Variants in VEGFA observed in about 807,000 individuals in gnomAD.
VEGFA encodes vascular endothelial growth factor A, long form.
VEGFA carries 20 observed loss-of-function variants against 49.7 expected under a neutral mutation model. That is an observed-to-expected ratio of 0.40 (90% CI 0.28 to 0.58). The LOEUF (loss-of-function observed/expected upper bound fraction) is 0.58, where lower values mean the gene tolerates loss of function less well. Ranked by LOEUF, VEGFA falls within the 20% of genes least tolerant of loss-of-function variation. The pLI is 0.40. For synonymous variants in VEGFA, 219 were observed against 223.4 expected (o/e 0.98, Z 0.18); for missense variants, 505 against 553.5 (o/e 0.91, Z 0.88).
At position 43,770,519 on chromosome 6, in the gene VEGFA, A is replaced by C. The variant is rs558662918; in HGVS notation, c.-188A>C. The C allele has an allele frequency of 1.1e-3, 1,373 of 1,260,582 alleles. 7 individuals are homozygous for C. The highest frequency in any genetic ancestry group is 9.6e-3 in the Middle Eastern group (33 of 3,436). The allele number at this position is 1,260,582 out of a possible 1,614,324, so 78.1% of individuals were successfully genotyped here. On this transcript the variant is annotated 5_prime_UTR_variant, in exon 1 of 8. Transcript: ENST00000672860. ...ATCACTGTGGATTTTGGAAACCAGC[A>C]GAAAGAGGAAAGAGGTAGCAAGAGC...
intron 3 of VEGFA, 55 bp from the exon 4 acceptor site, chr6:43,778,405 C>T (rs556277924): frequency 1.6e-4 from 240 of 1,526,366 alleles, no homozygotes; most frequent in Admixed American, 1.0e-3. Flanking sequence ...GTTGTCCCAT[C>T]TGGGTATGGC....
intron 6 of VEGFA, chr6:43,781,154 G>A (rs1192082126): frequency 1.9e-6 from 1 of 513,192 alleles, no homozygotes; most frequent in Non-Finnish European, 3.5e-6. Flanking sequence ...GGTTTCCATT[G>A]CTCTAGGCTT....
intron 6 of VEGFA, chr6:43,781,489 A>G: frequency 3.6e-6 from 1 of 280,110 alleles, no homozygotes; most frequent in South Asian, 3.7e-5. Flanking sequence ...TGGCCTGGGG[A>G]CACCGCCTCC....
chr6:43,777,742 G>A lies in VEGFA; in HGVS notation c.855+77G>A, dbSNP rs753080992. On this transcript the variant is annotated intron_variant, in intron 3 of 7. Coordinates refer to ENST00000672860, the MANE Select transcript of VEGFA (RefSeq NM_003376.6). This position sits in a 1 kb window ranked among gnomAD's most constrained non-coding sequence, Gnocchi z 4.3. ...CTTTGGGAACAGGTGGTCCCAGGTCGTTTCCTGGCTAGATTTGCCTTGTCT... is the reference window on the plus strand; with the variant it reads ...CTTTGGGAACAGGTGGTCCCAGGTCATTTCCTGGCTAGATTTGCCTTGTCT... 16 of 1,451,578 alleles carry A rather than the reference G, an allele frequency of 1.1e-5. 1 individual carries two copies. The highest frequency in any genetic ancestry group is 1.8e-4 in the Middle Eastern group (1 of 5,532). 89.9% of individuals were successfully genotyped at this position (1,451,578 alleles called of 1,614,324 possible).
intron 2 of VEGFA, chr6:43,774,595 G>A (rs1275716009): frequency 3.2e-6 from 2 of 631,246 alleles, no homozygotes; most frequent in African/African-American, 1.8e-5. Flanking sequence ...GCTAGAAGTA[G>A]GACTTGTTGC....
intron 1 of VEGFA, chr6:43,774,028 A>C (rs1764478085): frequency 2.1e-6 from 1 of 478,736 alleles, no homozygotes; most frequent in Non-Finnish European, 3.8e-6. Flanking sequence ...AGGGAGAGGG[A>C]AGTGTGGGGA....
At chr6:43,771,442 C>T in intron 1 of VEGFA, 130 bp downstream of exon 1, 1 of 958,148 alleles carries the variant, frequency 1.0e-6, no homozygotes, top group Non-Finnish European at 1.5e-6. Flanking sequence ...CGTGCGGCGT[C>T]CCCCTCTGTC....
At chr6:43,782,893 C>G (rs1267252111) in intron 7 of VEGFA, 1 of 152,560 alleles carries the variant, frequency 6.6e-6, no homozygotes, top group Non-Finnish European at 1.5e-5. Context: ...TGGTGACAAC[C>G]CCAAGCAGCC....
chr6:43,781,603 A>G (rs544710670), intron 6 of VEGFA: 15 of 351,798 alleles, frequency 4.3e-5, no homozygotes, highest in Non-Finnish European at 8.3e-5. Flanking sequence ...CATCCCCAGC[A>G]GGTGAAGAGT....
intron 6 of VEGFA, 125 bp downstream of exon 6, chr6:43,780,928 G>A (rs1452410120): frequency 1.9e-6 from 3 of 1,608,560 alleles, no homozygotes; most frequent in Non-Finnish European, 2.5e-6. Context: ...CATCCTCCTG[G>A]CCCGTGTCTC....
chr6:43,774,183 G>A lies in VEGFA; in HGVS notation c.607-158G>A, dbSNP rs1380571227. ...GGAGTGGTGGGCATATTCTGTGCCC[G>A]TGGGGACCCCCGGTTGTGTCCTGTT... On this transcript the variant is annotated intron_variant, in intron 1 of 7. Transcript: ENST00000672860. 12 of 748,048 alleles carry A rather than the reference G, an allele frequency of 1.6e-5. No homozygotes were observed. The East Asian group carries it at 2.7e-4, about 17-fold the overall frequency. The allele number at this position is 748,048 out of a possible 1,614,324, so 46.3% of individuals were successfully genotyped here.
chr6:43,778,174 A>T, intron 3 of VEGFA: 1 of 538,722 alleles, frequency 1.9e-6, no homozygotes, highest in South Asian at 2.0e-5. Flanking sequence ...AGGGGAGGGG[A>T]TGGGGAGTGG....
At chr6:43,779,891 GC>G (rs1766832321) in intron 5 of VEGFA, 1 of 334,302 alleles carries the variant, frequency 3.0e-6, no homozygotes, top group Non-Finnish European at 6.1e-6. Context: ...GCTACAGCCT[GC>G]CCCCCTTCCT....
intron 2 of VEGFA, chr6:43,774,665 C>A: frequency 1.8e-6 from 1 of 552,314 alleles, no homozygotes. Context: ...GCGCACAGAG[C>A]AGGAAGACAG....
chr6:43,781,097 G>C, intron 6 of VEGFA: 1 of 630,396 alleles, frequency 1.6e-6, no homozygotes. Flanking sequence ...CACCCACTGG[G>C]CACTGGTGGC....
At chr6:43,781,888 T>G in intron 6 of VEGFA, 68 bp from the exon 7 acceptor site, 1 of 1,594,936 alleles carries the variant, frequency 6.3e-7, no homozygotes, top group Non-Finnish European at 8.6e-7. Context: ...GGGTGTTGCA[T>G]GGTGATTTTT....
In VEGFA at chr6:43,774,269, G is replaced by A. The variant is rs1032792437; in HGVS notation, c.607-72G>A. On this transcript the variant is annotated intron_variant, in intron 1 of 7. Coordinates refer to ENST00000672860, the MANE Select transcript of VEGFA (RefSeq NM_003376.6). ...GTGGGAGGGAAGTGAGGAGGGAGGA[G>A]GGGCTGGGTGGCTGGGCCTGTGCAC... The A allele has an allele frequency of 7.2e-6, 11 of 1,519,908 alleles. No homozygotes were observed. The African/African-American group carries it at 8.2e-5, about 11-fold the overall frequency. The allele number at this position is 1,519,908 out of a possible 1,614,324, so 94.2% of individuals were successfully genotyped here.
rs1395626761 is a variant in VEGFA, at chr6:43,786,260, T to G, written c.*1698T>G. 1 of 179,270 alleles carries G rather than the reference T, an allele frequency of 5.6e-6. No individual in the cohort carries two copies. The highest frequency in any genetic ancestry group is 6.3e-5 in the Admixed American group (1 of 15,882). The allele number at this position is 179,270 out of a possible 1,614,324, so 11.1% of individuals were successfully genotyped here. A position where few individuals can be genotyped will look rare whatever the true frequency, so the allele number is the denominator to read the frequency against. On this transcript the variant is annotated 3_prime_UTR_variant, in exon 8 of 8. Coordinates refer to ENST00000672860, the MANE Select transcript of VEGFA (RefSeq NM_003376.6). ...AAAATAGAGAATTCTACATACTAAA[T>G]CTCTCTCCTTTTTTAATTTTAATAT...
chr6:43,784,725 A>G lies in VEGFA; in HGVS notation c.*163A>G. 1 of 1,374,994 alleles carries G rather than the reference A, an allele frequency of 7.3e-7. No homozygotes were observed. Among genetic ancestry groups the G allele is most frequent in the Non-Finnish European group, 1.0e-6 (1 of 972,774 alleles). The allele number at this position is 1,374,994 out of a possible 1,614,324, so 85.2% of individuals were successfully genotyped here. A position where few individuals can be genotyped will look rare whatever the true frequency, so the allele number is the denominator to read the frequency against. ...CAGAAACCTGAAATGAAGGAAGAGG[A>G]GACTCTGCGCAGAGCACTTTGGGTC... On this transcript the variant is annotated 3_prime_UTR_variant, in exon 8 of 8. Coordinates refer to ENST00000672860, the MANE Select transcript of VEGFA (RefSeq NM_003376.6).
Sources: gnomAD v4.1 joint callset for allele counts on GRCh38, gnomAD v4.1.1 for gene constraint, Gnocchi (gnomAD v3.1) non-coding constraint, MANE v1.5 for transcripts, NCBI Gene and HGNC (gene_info 2026-07-23, HGNC 2026-07-21) for gene names.